MPRIP: variants seen among roughly 807,000 people sequenced by gnomAD.
The protein encoded by MPRIP is myosin phosphatase Rho-interacting protein.
Under a neutral mutation model 234.9 loss-of-function variants are expected in MPRIP, and 59 were observed. The observed-to-expected ratio is 0.25, with a 90% confidence interval of 0.20 to 0.31. The LOEUF (loss-of-function observed/expected upper bound fraction) is 0.31, where lower values mean the gene tolerates loss of function less well. Among genes scored for constraint, MPRIP ranks in the 10% least tolerant of loss-of-function variants. MPRIP has a pLI of 1.00. For missense variants in MPRIP, 2,436 were observed against 3,071.0 expected (o/e 0.79, Z 4.89); for synonymous variants, 1,144 against 1,263.9 (o/e 0.91, Z 2.01).
intron 1 of MPRIP, among the ~76,000 whole-genome samples, chr17:17,059,376 CAAA>C (rs980528477): frequency 1.3e-5 from 2 of 152,134 alleles, no homozygotes; most frequent in African/African-American, 4.8e-5. Flanking sequence ...TCAGGGACCC[CAAA>C]AAGGGCCTCA....
intron 15 of MPRIP, among the ~76,000 whole-genome samples, chr17:17,162,158 G>A (rs2045886418): frequency 6.6e-6 from 1 of 152,254 alleles, no homozygotes; most frequent in Non-Finnish European, 1.5e-5. Flanking sequence ...CAAAGGCTGA[G>A]GGTATAACAT....
At chr17:17,068,656 G>A (rs1450271380) in intron 1 of MPRIP, among the ~76,000 whole-genome samples, 1 of 151,684 alleles carries the variant, frequency 6.6e-6, no homozygotes, top group East Asian at 1.9e-4. Flanking sequence ...TCAGCCTCCT[G>A]AGTAGCTGGG....
At chr17:17,087,953 G>A (rs570871356) in intron 3 of MPRIP, among the ~76,000 whole-genome samples, 64 of 152,282 alleles carry the variant, frequency 4.2e-4, no homozygotes, top group Non-Finnish European at 7.6e-4. Flanking sequence ...GGTGAGTCAA[G>A]GACACAAAAT....
intron 1 of MPRIP, among the ~76,000 whole-genome samples, chr17:17,046,451 C>T (rs985654910): frequency 4.6e-5 from 7 of 151,944 alleles, no homozygotes; most frequent in South Asian, 2.1e-4. Flanking sequence ...TGACATCAAG[C>T]GCATAAATTT....
At position 17,190,426 on chromosome 17, in the gene MPRIP, G is replaced by A. The variant is rs1334910666; in HGVS notation, c.*5532G>A. Reference sequence around the variant, plus strand: ...CAAACAGCTTTCAGCAAGGGCATGTGTCCACAGCTGATGGGCAGTTAAGAA... The same window carrying A: ...CAAACAGCTTTCAGCAAGGGCATGTATCCACAGCTGATGGGCAGTTAAGAA... On this transcript the variant is annotated 3_prime_UTR_variant, in exon 24 of 24. Coordinates refer to ENST00000651222, the MANE Select transcript of MPRIP (RefSeq NM_001364716.4). 6.6e-6 allele frequency: 1 copy of A among 152,278 alleles called. No individual in the cohort carries two copies. Among genetic ancestry groups the A allele is most frequent in the Non-Finnish European group, 1.5e-5 (1 of 68,076 alleles). The allele number at this position is 152,278 out of a possible 1,614,324, so 9.4% of individuals were successfully genotyped here.
chr17:17,163,504 C>T (rs967076986), intron 15 of MPRIP, among the ~76,000 whole-genome samples: 10 of 152,292 alleles, frequency 6.6e-5, no homozygotes, highest in African/African-American at 1.2e-4. Context: ...GTTCCCCCCT[C>T]GTTTTGACTT....
chr17:17,141,067 G>A (rs1211601702), intron 7 of MPRIP, among the ~76,000 whole-genome samples: 1 of 152,190 alleles, frequency 6.6e-6, no homozygotes, highest in African/African-American at 2.4e-5. Context: ...TGTAGCAAGT[G>A]CCTTTCCTCT....
At chr17:17,149,990 G>C in intron 11 of MPRIP, 154 bp from the exon 12 acceptor site, 1 of 626,888 alleles carries the variant, frequency 1.6e-6, no homozygotes, top group Non-Finnish European at 2.9e-6. Flanking sequence ...AGGGGCCTGG[G>C]TCATGCAGTA....
intron 1 of MPRIP, among the ~76,000 whole-genome samples, chr17:17,065,829 C>G (rs923194028): frequency 7.2e-5 from 11 of 152,140 alleles, no homozygotes; most frequent in Non-Finnish European, 1.5e-4. Flanking sequence ...TTTGATTTCT[C>G]TCATCAGTGT....
At chr17:17,086,876 C>G (rs1567705671) in intron 3 of MPRIP, among the ~76,000 whole-genome samples, 2 of 152,176 alleles carry the variant, frequency 1.3e-5, no homozygotes, top group Admixed American at 6.5e-5. Context: ...TCTCTGGAAA[C>G]TGGAGGCTGA....
In MPRIP at chr17:17,167,909, C is replaced by G; in HGVS notation, c.6318C>G (p.Ser2106Arg). The G allele has an allele frequency of 7.7e-7, 1 of 1,302,604 alleles. No homozygotes were observed. The highest frequency in any genetic ancestry group is 1.0e-6 in the Non-Finnish European group (1 of 988,282). 80.7% of individuals were successfully genotyped at this position (1,302,604 alleles called of 1,614,324 possible). A position where few individuals can be genotyped will look rare whatever the true frequency, so the allele number is the denominator to read the frequency against. Residue 2106 changes from serine (S) to arginine (R), a missense_variant, in exon 16 of 24, where the codon AGC (serine) becomes AGG (arginine). This residue lies in a region of MPRIP where 1,998 missense variants were observed against 2,520.3 expected (regional missense o/e 0.79). Transcript: ENST00000651222. The surrounding 1 kb of genome is among the most constrained non-coding windows in gnomAD (Gnocchi z 5.9). ...AGAAGTACCAGAGGGACTTGGAGAG[C>G]CTTAAGGTCTTAACGCCCCATTCAA... ...LREKYQRDLE[S>R]LKATCERGFA...
At chr17:17,136,711 T>C (rs80254594) in intron 6 of MPRIP, among the ~76,000 whole-genome samples, 5 of 152,168 alleles carry the variant, frequency 3.3e-5, no homozygotes, top group African/African-American at 1.2e-4. Context: ...CCCCAGTTGC[T>C]TGTCAGGAGA....
intron 20 of MPRIP, 40 bp downstream of exon 20, chr17:17,175,452 A>T: frequency 6.5e-7 from 1 of 1,548,828 alleles, no homozygotes; most frequent in Admixed American, 2.0e-5. Context: ...TCAGCTCTGC[A>T]CCCAGGAACC....
chr17:17,188,518 G>A lies in MPRIP; in HGVS notation c.*3624G>A, dbSNP rs1291154904. On this transcript the variant is annotated 3_prime_UTR_variant, in exon 24 of 24. Coordinates refer to ENST00000651222, the MANE Select transcript of MPRIP (RefSeq NM_001364716.4). ...CCTCCAGCTCATGCTGGAGAAGAGG[G>A]AATTTTGGCTGTTTAAAGAACACAG... is the stretch of plus-strand genomic sequence containing the variant. 1.3e-5 allele frequency: 2 copies of A among 152,252 alleles called. No homozygotes were observed. Among genetic ancestry groups the A allele is most frequent in the Non-Finnish European group, 2.9e-5 (2 of 68,052 alleles). 9.4% of individuals were successfully genotyped at this position (152,252 alleles called of 1,614,324 possible). A position where few individuals can be genotyped will look rare whatever the true frequency, so the allele number is the denominator to read the frequency against.
chr17:17,077,520 G>A (rs1006643692), intron 2 of MPRIP: 1 of 155,248 alleles, frequency 6.4e-6, no homozygotes. Flanking sequence ...CTGTTTTTGT[G>A]CCTCCTCTTT....
chr17:17,125,779 A>G (rs1451301649), intron 3 of MPRIP, among the ~76,000 whole-genome samples: 3 of 152,210 alleles, frequency 2.0e-5, no homozygotes, highest in Non-Finnish European at 4.4e-5. Context: ...GATCAGAAGC[A>G]TCTTCTGCTT....
At chr17:17,159,789 CTG>C (rs1305051938) in intron 14 of MPRIP, among the ~76,000 whole-genome samples, 1 of 152,202 alleles carries the variant, frequency 6.6e-6, no homozygotes, top group Non-Finnish European at 1.5e-5. Context: ...GTTTTCAACA[CTG>C]TGTTTCAAAT....
intron 3 of MPRIP, among the ~76,000 whole-genome samples, chr17:17,093,444 T>C (rs146809306): frequency 6.6e-5 from 10 of 152,306 alleles, no homozygotes; most frequent in African/African-American, 9.6e-5. Context: ...TGTATTCTCA[T>C]TGGTGTGATA....
chr17:17,043,600 G>A (rs937624445), intron 1 of MPRIP, among the ~76,000 whole-genome samples: 9 of 152,190 alleles, frequency 5.9e-5, no homozygotes, highest in African/African-American at 2.2e-4. Context: ...AGCCTTAACT[G>A]TCAAACAGGG....
Sources: gnomAD v4.1 joint callset for allele counts (sites outside exome capture counted in the v4.1 genomes callset) on GRCh38, gnomAD v4.1.1 for gene constraint, gnomAD v4.1.1 regional missense constraint, Gnocchi (gnomAD v3.1) non-coding constraint, MANE v1.5 for transcripts, NCBI Gene and HGNC (gene_info 2026-07-23, HGNC 2026-07-21) for gene names.